TLN2: variants seen among roughly 807,000 people sequenced by gnomAD.
TLN2 encodes talin 2.
A neutral mutation model predicts 294.7 loss-of-function variants in TLN2; 118 were observed. The observed-to-expected ratio is 0.40, with a 90% CI of 0.34 to 0.47. The LOEUF is 0.47. Ranked by LOEUF, TLN2 falls within the 20% of genes least tolerant of loss-of-function variation. The pLI is 0.84. For synonymous variants in TLN2, 1,431 were observed against 1,304.5 expected, an observed-to-expected ratio of 1.10 and a Z score of -2.09; for missense variants, 3,083 against 3,282.2, an observed-to-expected ratio of 0.94 and a Z score of 1.48.
At chr15:62,835,417 G>A (rs1385860200) in intron 55 of TLN2, 1 of 398,528 alleles carries the variant, frequency 2.5e-6, no homozygotes, top group Non-Finnish European at 4.6e-6. Flanking sequence ...CTCAGCAGAG[G>A]AGTAAGTGTA....
intron 1 of TLN2, among the ~76,000 whole-genome samples, chr15:62,508,790 TTG>T (rs749563829): frequency 7.9e-4 from 120 of 152,212 alleles, no homozygotes; most frequent in Admixed American, 7.9e-4. Flanking sequence ...ATTTACGTTT[TTG>T]TGTGTGTGTG....
intron 11 of TLN2, among the ~76,000 whole-genome samples, chr15:62,680,903 A>G (rs1179447283): frequency 2.6e-5 from 4 of 152,134 alleles, no homozygotes; most frequent in Non-Finnish European, 5.9e-5. Flanking sequence ...TGCAAAGGAC[A>G]TTATTTTGTT....
intron 1 of TLN2, among the ~76,000 whole-genome samples, chr15:62,545,182 C>T (rs1203476185): frequency 6.6e-6 from 1 of 152,022 alleles, no homozygotes; most frequent in Non-Finnish European, 1.5e-5. Context: ...TCATGATCTG[C>T]CCACCTCGGC....
At position 62,842,137 on chromosome 15, in the gene TLN2, A is replaced by AAAAT. The variant is rs1480341207; in HGVS notation, c.*1529_*1532dup. The AAAAT allele has an allele frequency of 6.6e-6, 1 of 152,200 alleles. No individual in the cohort carries two copies. The highest frequency in any genetic ancestry group is 1.5e-5 in the Non-Finnish European group (1 of 68,044). 9.4% of individuals were successfully genotyped at this position (152,200 alleles called of 1,614,324 possible). ...AGACTCTAGCCCATGTCATGGTTTTAAAATACATAAACTTCTGACAGCTTC... is the reference window on the plus strand; with the variant it reads ...AGACTCTAGCCCATGTCATGGTTTTAAAATAAATACATAAACTTCTGACAGCTTC... On this transcript the variant is annotated 3_prime_UTR_variant, in exon 59 of 59. Coordinates refer to ENST00000636159, the MANE Select transcript of TLN2 (RefSeq NM_015059.3).
intron 54 of TLN2, among the ~76,000 whole-genome samples, chr15:62,820,870 T>C (rs140595451): frequency 7.5e-4 from 114 of 152,360 alleles, no homozygotes; most frequent in African/African-American, 2.7e-3. Flanking sequence ...AGTCTTGATT[T>C]AGTTCATTAT....
chr15:62,543,602 A>G lies in TLN2; in HGVS notation c.-237-46085A>G, dbSNP rs1285871983. ...AAATCTCGTCTCTACTAAAAATACA[A>G]AAATTAGTTGGGCGTGGTGGTGTGC... is the stretch of plus-strand genomic sequence containing the variant. On this transcript the variant is annotated intron_variant, in intron 1 of 58. Transcript: ENST00000636159. 2.0e-5 allele frequency among the ~76,000 whole-genome samples: 3 copies of G among 152,142 alleles called. No individual in the cohort carries two copies. The East Asian group carries it at 5.8e-4, about 29-fold the overall frequency.
intron 22 of TLN2, 79 bp from the exon 23 acceptor site, chr15:62,716,252 A>G: frequency 7.3e-7 from 1 of 1,362,500 alleles, no homozygotes; most frequent in Non-Finnish European, 9.5e-7. Context: ...TCTATTACTA[A>G]GAAAAAATAA....
intron 1 of TLN2, among the ~76,000 whole-genome samples, chr15:62,540,367 T>TC (rs1237378862): frequency 6.6e-6 from 1 of 151,052 alleles, no homozygotes; most frequent in Non-Finnish European, 1.5e-5. Context: ...TTTTTTTTTT[T>TC]TTTTTTTACA....
intron 1 of TLN2, among the ~76,000 whole-genome samples, chr15:62,567,840 G>A (rs1348647057): frequency 6.6e-6 from 1 of 151,970 alleles, no homozygotes; most frequent in African/African-American, 2.4e-5. Flanking sequence ...CTCTGTCTTG[G>A]GGGAAAAGAC....
At chr15:62,415,900 C>T (rs977673226) in intron 1 of TLN2, among the ~76,000 whole-genome samples, 1 of 152,022 alleles carries the variant, frequency 6.6e-6, no homozygotes, top group Non-Finnish European at 1.5e-5. Context: ...TTAAAGGGAC[C>T]CTATTTTAGT....
At chr15:62,596,264 C>CAAAAAAAAAAAAAA (rs71129015) in intron 2 of TLN2, among the ~76,000 whole-genome samples, 3 of 81,678 alleles carry the variant, frequency 3.7e-5, no homozygotes, top group Admixed American at 1.5e-4. Context: ...GACTCCATCT[C>CAAAAAAAAAAAAAA]AAAAAAAAAA....
At chr15:62,831,155 A>G (rs955815557) in intron 54 of TLN2, 3 of 152,150 alleles carry the variant, frequency 2.0e-5, no homozygotes, top group Non-Finnish European at 4.4e-5. Flanking sequence ...ACTTAATTTT[A>G]AAGAAATTCC....
At chr15:62,825,805 A>AT (rs1371615949) in intron 54 of TLN2, among the ~76,000 whole-genome samples, 14 of 78,472 alleles carry the variant, frequency 1.8e-4, no homozygotes, top group African/African-American at 1.1e-3. Context: ...TATATATTAT[A>AT]TATTATATTA....
intron 42 of TLN2, among the ~76,000 whole-genome samples, chr15:62,772,201 C>T (rs1057199753): frequency 6.6e-6 from 1 of 152,134 alleles, no homozygotes; most frequent in African/African-American, 2.4e-5. Flanking sequence ...GAGCAATCCT[C>T]CCCATTTAGC....
intron 1 of TLN2, among the ~76,000 whole-genome samples, chr15:62,572,580 A>G (rs990996551): frequency 1.3e-5 from 2 of 152,164 alleles, no homozygotes; most frequent in African/African-American, 4.8e-5. Flanking sequence ...CTCTCTGCCA[A>G]ACTTTTCTAT....
intron 3 of TLN2, among the ~76,000 whole-genome samples, chr15:62,645,731 A>G (rs908112336): frequency 5.9e-5 from 9 of 152,180 alleles, no homozygotes; most frequent in Admixed American, 2.0e-4. Context: ...GCTGGAGTCC[A>G]GGTTTACTAC....
chr15:62,501,714 T>A lies in TLN2; in HGVS notation c.-237-87973T>A, dbSNP rs1439388934. ...CCTTTGGATGTTGTTTTTTGTTTAA[T>A]TGGACATAGTTATATCAACAGGATT... On this transcript the variant is annotated intron_variant, in intron 1 of 58. Coordinates refer to ENST00000636159, the MANE Select transcript of TLN2 (RefSeq NM_015059.3). Among the ~76,000 whole-genome samples the A allele has an allele frequency of 2.0e-5, 3 of 152,242 alleles. No individual in the cohort carries two copies. The South Asian group carries it at 6.2e-4, about 31-fold the overall frequency.
chr15:62,517,828 A>T (rs1473208243), intron 1 of TLN2, among the ~76,000 whole-genome samples: 4 of 152,176 alleles, frequency 2.6e-5, no homozygotes, highest in Non-Finnish European at 5.9e-5. Flanking sequence ...TTTTAAATGA[A>T]ATAATTATGG....
intron 3 of TLN2, among the ~76,000 whole-genome samples, chr15:62,620,724 C>G (rs959278533): frequency 6.6e-6 from 1 of 151,948 alleles, no homozygotes; most frequent in Non-Finnish European, 1.5e-5. Context: ...TCAAGCGATC[C>G]TCCCACCTTG....
Sources: gnomAD v4.1 joint callset for allele counts (sites outside exome capture counted in the v4.1 genomes callset) on GRCh38, gnomAD v4.1.1 for gene constraint, MANE v1.5 for transcripts, NCBI Gene and HGNC (gene_info 2026-07-23, HGNC 2026-07-21) for gene names.